The following SLC27A6 variants were observed in gnomAD, a reference collection of about 807,000 sequenced individuals.
The protein encoded by SLC27A6 is long-chain fatty acid transport protein 6.
Under a neutral mutation model 63.9 loss-of-function variants are expected in SLC27A6, and 74 were observed. That is an observed-to-expected ratio of 1.16 (90% confidence interval 0.96 to 1.40). The LOEUF is 1.40. Among genes scored for constraint, SLC27A6 ranks in the 40% most tolerant of loss-of-function variants. The pLI, the probability that SLC27A6 is intolerant of heterozygous loss-of-function variation, is 0.00. For missense variants in SLC27A6, 794 were observed against 732.9 expected (o/e 1.08, Z -0.96); for synonymous variants, 287 against 260.8 (o/e 1.10, Z -0.97).
chr5:128,993,199 T>G (rs1473127484), intron 4 of SLC27A6, among the ~76,000 whole-genome samples: 1 of 152,200 alleles, frequency 6.6e-6, no homozygotes, highest in Admixed American at 6.5e-5. Flanking sequence ...GTACTGGGTG[T>G]TATTAAAAAT....
intron 1 of SLC27A6, among the ~76,000 whole-genome samples, chr5:128,983,561 C>T (rs1338570969): frequency 6.6e-6 from 1 of 152,102 alleles, no homozygotes; most frequent in East Asian, 1.9e-4. Context: ...TCCCAAAGTG[C>T]TGGAATTACA....
chr5:129,002,528 C>G (rs138256052), intron 4 of SLC27A6, among the ~76,000 whole-genome samples: 1 of 147,406 alleles, frequency 6.8e-6, no homozygotes, highest in Admixed American at 6.7e-5. Flanking sequence ...CTCCCTCTCT[C>G]CCACCCTCCC....
chr5:128,988,628 G>T lies in SLC27A6; in HGVS notation c.714G>T (p.Gln238His). Residue 238 changes from glutamine to histidine, a missense_variant, in exon 3 of 10, where the codon CAG (glutamine) becomes CAT (histidine). Transcript: ENST00000262462. ...TGLPKAAVIS[Q>H]LQVLRGSAVL... ...TACCAAAAGCAGCTGTGATTAGTCA[G>T]CTGCAGGTTTTAAGGGGTTCTGCTG... 6.2e-7 allele frequency: 1 copy of T among 1,613,938 alleles called. No individual in the cohort carries two copies. The highest frequency in any genetic ancestry group is 8.5e-7 in the Non-Finnish European group (1 of 1,179,942).
chr5:129,023,522 G>T, intron 5 of SLC27A6, 98 bp from the exon 6 acceptor site: 1 of 675,146 alleles, frequency 1.5e-6, no homozygotes, highest in Non-Finnish European at 2.5e-6. Flanking sequence ...ATTTCAATTA[G>T]CATAGTCTAC....
At chr5:128,971,955 C>T (rs1337627052) in intron 1 of SLC27A6, among the ~76,000 whole-genome samples, 1 of 152,084 alleles carries the variant, frequency 6.6e-6, no homozygotes, top group African/African-American at 2.4e-5. Flanking sequence ...TAAGGCAGGC[C>T]TGGTGGTGAC....
chr5:129,002,120 A>G (rs4836427), intron 4 of SLC27A6, among the ~76,000 whole-genome samples: 1 of 151,968 alleles, frequency 6.6e-6, no homozygotes, highest in South Asian at 2.1e-4. Context: ...AGACCTTGGG[A>G]TGTCTGTATT....
At chr5:129,005,823 A>G (rs1751503472) in intron 4 of SLC27A6, among the ~76,000 whole-genome samples, 1 of 151,632 alleles carries the variant, frequency 6.6e-6, no homozygotes, top group Admixed American at 6.6e-5. Flanking sequence ...GGTGTTAGCC[A>G]GGATGGTCTC....
chr5:128,990,243 G>T lies in SLC27A6; in HGVS notation c.845-97G>T, dbSNP rs376601259. The T allele has an allele frequency of 6.5e-6, 8 of 1,228,270 alleles. No homozygotes were observed. The African/African-American group carries it at 7.6e-5, about 12-fold the overall frequency. The allele number at this position is 1,228,270 out of a possible 1,614,324, so 76.1% of individuals were successfully genotyped here. A position where few individuals can be genotyped will look rare whatever the true frequency, so the allele number is the denominator to read the frequency against. ...ATGAGTTATTAAAGTTTTAAAATGA[G>T]CAAACATGTTCTAGACAGAGAAACA... is the stretch of plus-strand genomic sequence containing the variant. On this transcript the variant is annotated intron_variant, in intron 3 of 9. Coordinates refer to ENST00000262462, the MANE Select transcript of SLC27A6 (RefSeq NM_001017372.3).
chr5:129,015,161 T>G (rs781137376), intron 4 of SLC27A6, among the ~76,000 whole-genome samples: 1 of 152,128 alleles, frequency 6.6e-6, no homozygotes, highest in Non-Finnish European at 1.5e-5. Context: ...GATAATATAT[T>G]TTTACTCTAA....
chr5:129,027,357 C>CA, intron 7 of SLC27A6, 26 bp downstream of exon 7: 2 of 1,541,322 alleles, frequency 1.3e-6, no homozygotes, highest in Non-Finnish European at 1.8e-6. Flanking sequence ...GGATCCATAG[C>CA]TTGTTCTGTA....
In SLC27A6 at chr5:128,969,476, T is replaced by C. The variant is rs1216441923; in HGVS notation, c.481+2858T>C. Among the ~76,000 whole-genome samples the C allele has an allele frequency of 3.3e-5, 5 of 152,240 alleles. No homozygotes were observed. The South Asian group carries it at 1.0e-3, about 32-fold the overall frequency. ...TTTGTAGTTCTCCTTGAAGAGGTCC[T>C]TCACATCCCTTGTAAGTTGGATTCC... On this transcript the variant is annotated intron_variant, in intron 1 of 9. Transcript: ENST00000262462.
At chr5:129,030,306 C>T (rs533442472) in intron 9 of SLC27A6, among the ~76,000 whole-genome samples, 1 of 151,982 alleles carries the variant, frequency 6.6e-6, no homozygotes, top group Admixed American at 6.6e-5. Context: ...TTTATTCAAC[C>T]ATTCATGTAT....
At position 128,966,062 on chromosome 5, in the gene SLC27A6, G is replaced by T; in HGVS notation, c.-76G>T. On this transcript the variant is annotated 5_prime_UTR_variant, in exon 1 of 10. Coordinates refer to ENST00000262462, the MANE Select transcript of SLC27A6 (RefSeq NM_001017372.3). ...TGAGTAGTGAGGATCTGCGGTCTCC[G>T]TGGAGAGCTGTGCCTGGAAGAGAAG... 6.7e-7 allele frequency: 1 copy of T among 1,498,608 alleles called. No individual in the cohort carries two copies. 92.8% of individuals were successfully genotyped at this position (1,498,608 alleles called of 1,614,324 possible). A position where few individuals can be genotyped will look rare whatever the true frequency, so the allele number is the denominator to read the frequency against.
chr5:129,011,850 G>A (rs572407964), intron 4 of SLC27A6, among the ~76,000 whole-genome samples: 7 of 152,096 alleles, frequency 4.6e-5, no homozygotes, highest in East Asian at 3.9e-4. Context: ...ATTTTCTCCC[G>A]GAAGAGGAGG....
intron 2 of SLC27A6, among the ~76,000 whole-genome samples, chr5:128,988,384 A>G (rs1750862914): frequency 6.6e-6 from 1 of 152,348 alleles, no homozygotes; most frequent in South Asian, 2.1e-4. Flanking sequence ...ATACAGGCCT[A>G]CTTAGCAGCC....
chr5:128,967,661 G>A (rs1749959231), intron 1 of SLC27A6, among the ~76,000 whole-genome samples: 2 of 152,102 alleles, frequency 1.3e-5, no homozygotes, highest in Admixed American at 6.5e-5. Flanking sequence ...GGCAGTATAT[G>A]GAAAATGGGC....
At chr5:129,009,659 G>C (rs562556374) in intron 4 of SLC27A6, among the ~76,000 whole-genome samples, 61 of 133,872 alleles carry the variant, frequency 4.6e-4, no homozygotes, top group Admixed American at 1.2e-3. Flanking sequence ...CCCCATCATA[G>C]CTAACATTTC....
In SLC27A6 at chr5:128,985,120, C is replaced by T; in HGVS notation, c.482-13C>T. The T allele has an allele frequency of 6.2e-7, 1 of 1,608,306 alleles. No homozygotes were observed. The highest frequency in any genetic ancestry group is 8.5e-7 in the Non-Finnish European group (1 of 1,176,090). ...AAGGTTTGCTTAACTCTTCCCAACC[C>T]TTTGGCTTTTAGATTTGCTTGGAAC... is the stretch of plus-strand genomic sequence containing the variant. On this transcript the variant is annotated splice_polypyrimidine_tract_variant and intron_variant, in intron 1 of 9. Transcript: ENST00000262462.
intron 1 of SLC27A6, among the ~76,000 whole-genome samples, chr5:128,977,725 G>T (rs1277591975): frequency 1.3e-5 from 2 of 152,096 alleles, no homozygotes; most frequent in Non-Finnish European, 2.9e-5. Context: ...TGTAAGTGTT[G>T]ATCACCAAAA....
Sources: allele counts gnomAD v4.1 joint callset (sites outside exome capture counted in the v4.1 genomes callset), GRCh38; gene constraint gnomAD v4.1.1; transcripts MANE v1.5; gene names NCBI Gene and HGNC (gene_info 2026-07-23, HGNC 2026-07-21).